The following RFC3 variants were observed in gnomAD, a reference collection of about 807,000 sequenced individuals.
The protein encoded by RFC3 is A1 38 kDa subunit.
Under a neutral mutation model 45.1 loss-of-function variants are expected in RFC3, and 41 were observed. The ratio of observed to expected loss-of-function variants is 0.91; its 90% CI spans 0.71 to 1.18. The LOEUF (loss-of-function observed/expected upper bound fraction) is 1.18. Ranked by LOEUF, RFC3 falls within the 50% of genes most tolerant of loss-of-function variation. The pLI, the probability that RFC3 is intolerant of heterozygous loss-of-function variation, is 0.00. For synonymous variants in RFC3, 149 were observed against 144.0 expected, an observed-to-expected ratio of 1.03 and a Z score of -0.25; for missense variants, 423 against 428.1, an observed-to-expected ratio of 0.99 and a Z score of 0.10.
chr13:33,885,280 AG>A (rs1295417449), intron 8 of RFC3, among the ~76,000 whole-genome samples: 2 of 152,108 alleles, frequency 1.3e-5, no homozygotes, highest in African/African-American at 4.8e-5. Flanking sequence ...GAGACATCAT[AG>A]GAAAAAAACT....
intron 8 of RFC3, among the ~76,000 whole-genome samples, chr13:33,909,776 C>T (rs1232966134): frequency 1.3e-5 from 2 of 152,066 alleles, no homozygotes; most frequent in African/African-American, 4.8e-5. Context: ...TTGGTAACTG[C>T]ATATGTAATG....
At chr13:33,881,435 T>C (rs748326141) in intron 8 of RFC3, among the ~76,000 whole-genome samples, 9 of 152,220 alleles carry the variant, frequency 5.9e-5, no homozygotes, top group Non-Finnish European at 8.8e-5. Flanking sequence ...ATGCTTACAC[T>C]GCGAGGAGGG....
intron 8 of RFC3, among the ~76,000 whole-genome samples, chr13:33,915,666 A>G (rs567148523): frequency 2.0e-5 from 3 of 152,182 alleles, no homozygotes; most frequent in East Asian, 3.9e-4. Flanking sequence ...GAGAGATGGA[A>G]GTCTGTGCTG....
intron 8 of RFC3, among the ~76,000 whole-genome samples, chr13:33,923,855 T>G (rs1468637201): frequency 1.3e-5 from 2 of 152,120 alleles, no homozygotes; most frequent in African/African-American, 4.8e-5. Context: ...CAGAGAAAGT[T>G]TAGTTCCATG....
At chr13:33,960,434 A>G (rs192590518) in intron 8 of RFC3, among the ~76,000 whole-genome samples, 1 of 152,310 alleles carries the variant, frequency 6.6e-6, no homozygotes, top group African/African-American at 2.4e-5. Flanking sequence ...GCCTGACCTT[A>G]TCTGTATAAA....
intron 8 of RFC3, among the ~76,000 whole-genome samples, chr13:33,948,323 A>G (rs1257428780): frequency 2.0e-5 from 3 of 152,224 alleles, no homozygotes; most frequent in Admixed American, 2.0e-4. Context: ...GTGGGTGCAC[A>G]GAAGTCAAGA....
chr13:33,954,615 G>A (rs2083010530), intron 8 of RFC3, among the ~76,000 whole-genome samples: 1 of 152,176 alleles, frequency 6.6e-6, no homozygotes, highest in Non-Finnish European at 1.5e-5. Context: ...ACAGTCCGGA[G>A]GCTGGAAGTC....
intron 8 of RFC3, among the ~76,000 whole-genome samples, chr13:33,853,882 C>T (rs940748844): frequency 6.6e-6 from 1 of 152,022 alleles, no homozygotes; most frequent in Non-Finnish European, 1.5e-5. Flanking sequence ...ACAGCTGTAC[C>T]AAGGAGTTGT....
intron 8 of RFC3, among the ~76,000 whole-genome samples, chr13:33,906,602 C>A (rs1317368325): frequency 2.0e-5 from 3 of 152,050 alleles, no homozygotes; most frequent in African/African-American, 7.2e-5. Context: ...TATGAAAGGG[C>A]TACTCCTTTT....
chr13:33,902,811 C>A (rs941200357), intron 8 of RFC3, among the ~76,000 whole-genome samples: 1 of 151,964 alleles, frequency 6.6e-6, no homozygotes, highest in African/African-American at 2.4e-5. Context: ...CCTGTCATTC[C>A]CTTGCTCCAG....
At chr13:33,916,290 T>C (rs2082733023) in intron 8 of RFC3, among the ~76,000 whole-genome samples, 1 of 152,146 alleles carries the variant, frequency 6.6e-6, no homozygotes, top group African/African-American at 2.4e-5. Context: ...ACTGTTTTCC[T>C]TAAGACCCAG....
chr13:33,921,386 C>CTT (rs2082767955), intron 8 of RFC3, among the ~76,000 whole-genome samples: 2 of 152,116 alleles, frequency 1.3e-5, no homozygotes, highest in Non-Finnish European at 2.9e-5. Context: ...AGACACACAA[C>CTT]TTAGAGGGTT....
At chr13:33,938,595 C>G (rs2082903382) in intron 8 of RFC3, among the ~76,000 whole-genome samples, 1 of 152,078 alleles carries the variant, frequency 6.6e-6, no homozygotes, top group Non-Finnish European at 1.5e-5. Flanking sequence ...TTCTGTTTTT[C>G]TCAACATTGT....
intron 8 of RFC3, among the ~76,000 whole-genome samples, chr13:33,926,174 C>T (rs2082811419): frequency 3.1e-5 from 4 of 129,576 alleles, no homozygotes; most frequent in Admixed American, 2.0e-4. Context: ...CACATGGACA[C>T]AGGAAGGGGA....
chr13:33,851,703 A>G (rs903282076), intron 8 of RFC3, among the ~76,000 whole-genome samples: 4 of 152,184 alleles, frequency 2.6e-5, no homozygotes, highest in Admixed American at 1.3e-4. Context: ...TTCAGGGGTC[A>G]ACTGTATAAC....
At chr13:33,879,002 G>A (rs919684216) in intron 8 of RFC3, among the ~76,000 whole-genome samples, 1 of 152,046 alleles carries the variant, frequency 6.6e-6, no homozygotes, top group Non-Finnish European at 1.5e-5. Flanking sequence ...AGCACTTATC[G>A]TTATCATAAT....
intron 8 of RFC3, among the ~76,000 whole-genome samples, chr13:33,885,886 T>C (rs1365454737): frequency 6.6e-6 from 1 of 152,098 alleles, no homozygotes; most frequent in Non-Finnish European, 1.5e-5. Context: ...AGTCACACAA[T>C]TGAGATTAAA....
At chr13:33,896,771 C>T (rs931579788) in intron 8 of RFC3, among the ~76,000 whole-genome samples, 6 of 142,432 alleles carry the variant, frequency 4.2e-5, no homozygotes, top group Admixed American at 7.1e-5. Context: ...AGGCTCTATC[C>T]TCTTTTTGTC....
intron 8 of RFC3, among the ~76,000 whole-genome samples, chr13:33,883,332 T>G (rs1302517472): frequency 2.0e-5 from 3 of 152,200 alleles, no homozygotes; most frequent in African/African-American, 7.2e-5. Context: ...TTGCATAATT[T>G]TTGTTAGTTT....
Sources: allele counts gnomAD v4.1 joint callset (sites outside exome capture counted in the v4.1 genomes callset), GRCh38; gene constraint gnomAD v4.1.1; transcripts MANE v1.5; gene names NCBI Gene and HGNC (gene_info 2026-07-23, HGNC 2026-07-21).